Variants in DMXL2 observed in about 807,000 individuals in gnomAD.
DMXL2 encodes Dmx like 2.
DMXL2 carries 103 observed loss-of-function variants against 331.1 expected under a neutral mutation model. That is an observed-to-expected ratio of 0.31 (90% confidence interval 0.27 to 0.37). The LOEUF (loss-of-function observed/expected upper bound fraction) is 0.37, where lower values mean the gene tolerates loss of function less well. Ranked by LOEUF, DMXL2 falls within the 10% of genes least tolerant of loss-of-function variation. The pLI is 1.00. For missense variants in DMXL2, 3,171 were observed against 3,642.9 expected, an observed-to-expected ratio of 0.87 and a Z score of 3.33; for synonymous variants, 1,281 against 1,252.1, an observed-to-expected ratio of 1.02 and a Z score of -0.49.
chr15:51,558,543 C>T (rs2049745628), intron 6 of DMXL2, among the ~76,000 whole-genome samples: 1 of 152,162 alleles, frequency 6.6e-6, no homozygotes, highest in Non-Finnish European at 1.5e-5. Flanking sequence ...GTATTTTTTA[C>T]ACTCATTTCT....
chr15:51,521,178 G>T (rs535843692), intron 13 of DMXL2, among the ~76,000 whole-genome samples: 3 of 152,238 alleles, frequency 2.0e-5, no homozygotes, highest in African/African-American at 7.2e-5. Flanking sequence ...AGCCGTAGTT[G>T]TAAGAGTTTG....
Position 51,499,131 on chromosome 15 carries a change from T to C in DMXL2, c.4093A>G (p.Lys1365Glu). The C allele has an allele frequency of 1.2e-6, 2 of 1,614,156 alleles. No homozygotes were observed. Among genetic ancestry groups the C allele is most frequent in the Non-Finnish European group, 1.7e-6 (2 of 1,180,028 alleles). Residue 1365 changes from lysine (K) to glutamate (E), a missense_variant, in exon 18 of 44, where the codon AAA (lysine) becomes GAA (glutamate). By Grantham distance (56) the Lys-to-Glu change is moderately conservative. Transcript: ENST00000560891. ...TTTACTAAATGAGAGAGAATGGCTT[T>C]AGCCCTTCGCACTTTCCCTAAATCC... ...LMDLGKVRRA[K>E]AILSHLVKCI...
At chr15:51,501,635 C>G (rs555553608) in intron 17 of DMXL2, among the ~76,000 whole-genome samples, 1 of 152,220 alleles carries the variant, frequency 6.6e-6, no homozygotes, top group South Asian at 2.1e-4. Flanking sequence ...AATATTTTCA[C>G]TATTGGCTGG....
chr15:51,477,554 T>C (rs993540130), intron 26 of DMXL2, among the ~76,000 whole-genome samples: 12 of 152,004 alleles, frequency 7.9e-5, no homozygotes, highest in African/African-American at 2.9e-4. Context: ...TGATACCAAA[T>C]GTTCCCACAA....
At chr15:51,484,398 A>G (rs146546675) in intron 23 of DMXL2, among the ~76,000 whole-genome samples, 1 of 152,196 alleles carries the variant, frequency 6.6e-6, no homozygotes, top group African/African-American at 2.4e-5. Flanking sequence ...GCAAAGCTAC[A>G]TGGCCATCAC....
chr15:51,458,912 C>CA (rs2039886054), intron 34 of DMXL2, 117 bp from the exon 35 acceptor site: 4 of 872,972 alleles, frequency 4.6e-6, no homozygotes, highest in Non-Finnish European at 7.1e-6. Flanking sequence ...GCAGCAGCAG[C>CA]AGCAGCAAGA....
At chr15:51,617,069 T>C (rs2054332161) in intron 1 of DMXL2, among the ~76,000 whole-genome samples, 1 of 152,114 alleles carries the variant, frequency 6.6e-6, no homozygotes, top group Non-Finnish European at 1.5e-5. Context: ...TGGTCAGGCA[T>C]GACTTGTTTT....
chr15:51,456,629 C>T (rs1036594538), intron 37 of DMXL2, among the ~76,000 whole-genome samples: 7 of 152,130 alleles, frequency 4.6e-5, no homozygotes, highest in African/African-American at 1.7e-4. Flanking sequence ...CTTCAAGTGC[C>T]CCTCCCTGAG....
chr15:51,610,938 C>T (rs1329730178), intron 1 of DMXL2, among the ~76,000 whole-genome samples: 2 of 152,044 alleles, frequency 1.3e-5, no homozygotes, highest in East Asian at 3.9e-4. Context: ...TTCCAAATTA[C>T]TTATGAGTGC....
At chr15:51,467,981 C>T (rs1268916382) in intron 29 of DMXL2, among the ~76,000 whole-genome samples, 1 of 152,172 alleles carries the variant, frequency 6.6e-6, no homozygotes, top group Non-Finnish European at 1.5e-5. Flanking sequence ...CCACCTTGGC[C>T]TCCCAAAGTG....
intron 6 of DMXL2, among the ~76,000 whole-genome samples, chr15:51,556,908 C>A (rs1405635103): frequency 3.3e-5 from 5 of 152,044 alleles, no homozygotes; most frequent in Non-Finnish European, 1.5e-5. Context: ...AAAAAAGTAT[C>A]TACCACAAAC....
intron 23 of DMXL2, among the ~76,000 whole-genome samples, chr15:51,485,568 A>G (rs2042333163): frequency 6.6e-6 from 1 of 152,228 alleles, no homozygotes; most frequent in Admixed American, 6.5e-5. Context: ...ATCTACCTCA[A>G]TTTTTAATGA....
rs899376740 is a variant in DMXL2 at position 51,472,094 on chromosome 15, A to T, written c.7214-693T>A. Among the ~76,000 whole-genome samples the T allele has an allele frequency of 2.0e-5, 3 of 152,346 alleles. No homozygotes were observed. The East Asian group carries it at 5.8e-4, about 29-fold the overall frequency. ...ATGGTGGGTGGTAAAAAGTAGAGGA[A>T]GGGTTGTATATGAGTGATACACAAA... On this transcript the variant is annotated intron_variant, in intron 28 of 43. Coordinates refer to ENST00000560891, the MANE Select transcript of DMXL2 (RefSeq NM_001378457.1).
At chr15:51,470,862 T>C (rs2041037178) in intron 29 of DMXL2, among the ~76,000 whole-genome samples, 1 of 152,032 alleles carries the variant, frequency 6.6e-6, no homozygotes, top group Admixed American at 6.5e-5. Flanking sequence ...TGTCCATCCA[T>C]CTCCTTCTAT....
At chr15:51,591,313 G>A (rs548306192) in intron 1 of DMXL2, among the ~76,000 whole-genome samples, 6 of 152,196 alleles carry the variant, frequency 3.9e-5, no homozygotes, top group South Asian at 2.1e-4. Context: ...AGGGTCCTAC[G>A]CCCACAGAGC....
At chr15:51,514,376 A>G in intron 15 of DMXL2, 66 bp downstream of exon 15, 2 of 901,202 alleles carry the variant, frequency 2.2e-6, no homozygotes, top group Non-Finnish European at 3.4e-6. Context: ...ATCCATACTC[A>G]GTGAAAACTT....
At chr15:51,530,171 A>G (rs1261112785) in intron 13 of DMXL2, among the ~76,000 whole-genome samples, 1 of 152,182 alleles carries the variant, frequency 6.6e-6, no homozygotes, top group Non-Finnish European at 1.5e-5. Flanking sequence ...GATCTAGAAC[A>G]CAATAAGGAT....
chr15:51,596,204 G>T (rs1019921194), intron 1 of DMXL2, among the ~76,000 whole-genome samples: 11 of 152,072 alleles, frequency 7.2e-5, no homozygotes, highest in East Asian at 3.9e-4. Flanking sequence ...AATCTACAAT[G>T]AACTCAAACA....
chr15:51,527,295 A>G (rs577470558), intron 13 of DMXL2, among the ~76,000 whole-genome samples: 1 of 152,340 alleles, frequency 6.6e-6, no homozygotes, highest in Admixed American at 6.5e-5. Flanking sequence ...TCTAGTAAAA[A>G]TATCCTTCAA....
Sources: allele counts gnomAD v4.1 joint callset (sites outside exome capture counted in the v4.1 genomes callset), GRCh38; gene constraint gnomAD v4.1.1; transcripts MANE v1.5; gene names NCBI Gene and HGNC (gene_info 2026-07-23, HGNC 2026-07-21).